Variants in PDZD2 observed in about 807,000 individuals in gnomAD.
The protein encoded by PDZD2 is PDZ domain containing 2, also known as PDZ domain-containing protein 2.
A neutral mutation model predicts 220.7 loss-of-function variants in PDZD2; 90 were observed. The observed-to-expected ratio is 0.41, with a 90% CI of 0.34 to 0.49. PDZD2 has a LOEUF of 0.49. Ranked by LOEUF, PDZD2 falls within the 20% of genes least tolerant of loss-of-function variation. The pLI, the probability that PDZD2 is intolerant of heterozygous loss-of-function variation, is 0.28. For synonymous variants in PDZD2, 1,375 were observed against 1,450.5 expected (o/e 0.95, Z 1.18); for missense variants, 3,174 against 3,608.5 (o/e 0.88, Z 3.08).
intron 24 of PDZD2, among the ~76,000 whole-genome samples, chr5:32,105,739 T>C (rs1337796584): frequency 1.3e-5 from 2 of 152,166 alleles, no homozygotes; most frequent in African/African-American, 4.8e-5. Context: ...GGAAAAAGCA[T>C]AAAAGCTTTC....
chr5:32,003,240 ACACACACAC>A (rs1231765463), intron 5 of PDZD2, among the ~76,000 whole-genome samples: 1 of 104,240 alleles, frequency 9.6e-6, no homozygotes, highest in African/African-American at 4.1e-5. Flanking sequence ...ATATACCTTC[ACACACACAC>A]CACACACACA....
intron 1 of PDZD2, among the ~76,000 whole-genome samples, chr5:31,671,151 C>T (rs1404759743): frequency 6.6e-6 from 1 of 152,106 alleles, no homozygotes; most frequent in Non-Finnish European, 1.5e-5. Flanking sequence ...AACTCTCAGT[C>T]CTGTGGGCCA....
At chr5:32,031,727 C>A (rs1243094636) in intron 6 of PDZD2, among the ~76,000 whole-genome samples, 1 of 152,124 alleles carries the variant, frequency 6.6e-6, no homozygotes, top group Non-Finnish European at 1.5e-5. Context: ...TCTTTAATTT[C>A]GACTAAACCT....
chr5:31,886,863 A>AT (rs1326830026), intron 2 of PDZD2, among the ~76,000 whole-genome samples: 4 of 151,838 alleles, frequency 2.6e-5, no homozygotes, highest in South Asian at 2.1e-4. Flanking sequence ...ACACCCAGCT[A>AT]TTTTTTTGTA....
At chr5:31,863,533 C>T (rs538626596) in intron 2 of PDZD2, among the ~76,000 whole-genome samples, 85 of 152,244 alleles carry the variant, frequency 5.6e-4, no homozygotes, top group African/African-American at 1.9e-3. Flanking sequence ...CTCTGAGATG[C>T]TTGTTTTAAT....
intron 6 of PDZD2, among the ~76,000 whole-genome samples, chr5:32,012,192 A>C (rs1753374884): frequency 6.6e-6 from 1 of 151,758 alleles, no homozygotes; most frequent in Non-Finnish European, 1.5e-5. Flanking sequence ...ACTGAGCAGG[A>C]TCTCATTGCT....
At chr5:32,030,380 T>C (rs1755029847) in intron 6 of PDZD2, among the ~76,000 whole-genome samples, 2 of 152,228 alleles carry the variant, frequency 1.3e-5, no homozygotes, top group Admixed American at 1.3e-4. Context: ...ATTAGTTTTT[T>C]CTCAGGTTTT....
rs552807189 is a variant in PDZD2, at chr5:31,720,009, G to T, written c.-360-78880G>T. ...CCAGTCCAGGCAATGCGCTGCCCCA[G>T]TGGAGATCTTTCACTCATATCAGTG... On this transcript the variant is annotated intron_variant, in intron 1 of 24. Transcript: ENST00000438447. Among the ~76,000 whole-genome samples the T allele has an allele frequency of 5.9e-5, 9 of 152,362 alleles. No homozygotes were observed. In the South Asian group the frequency reaches 1.9e-3, roughly 32 times the overall value.
chr5:31,797,632 C>A (rs1256769229), intron 1 of PDZD2, among the ~76,000 whole-genome samples: 3 of 152,148 alleles, frequency 2.0e-5, no homozygotes, highest in African/African-American at 7.2e-5. Flanking sequence ...CGCGCCCAGC[C>A]TTGCATTTCT....
intron 1 of PDZD2, among the ~76,000 whole-genome samples, chr5:31,654,545 A>G (rs1252897427): frequency 1.3e-5 from 2 of 152,120 alleles, no homozygotes; most frequent in Non-Finnish European, 2.9e-5. Flanking sequence ...TGCATGTATA[A>G]TTATCTACTT....
chr5:31,967,304 C>T (rs1748846004), intron 2 of PDZD2, among the ~76,000 whole-genome samples: 1 of 152,156 alleles, frequency 6.6e-6, no homozygotes, highest in Non-Finnish European at 1.5e-5. Context: ...CATGGACCCA[C>T]GGGAATCTGC....
At chr5:31,958,142 A>T (rs1747893117) in intron 2 of PDZD2, among the ~76,000 whole-genome samples, 1 of 152,250 alleles carries the variant, frequency 6.6e-6, no homozygotes, top group South Asian at 2.1e-4. Context: ...TTTAAGTGAT[A>T]TATATTTACA....
intron 1 of PDZD2, among the ~76,000 whole-genome samples, chr5:31,788,796 G>T (rs1254114641): frequency 6.6e-6 from 1 of 152,174 alleles, no homozygotes; most frequent in Non-Finnish European, 1.5e-5. Flanking sequence ...GAGACACCTG[G>T]GACTGCACAA....
At position 32,108,245 on chromosome 5, in the gene PDZD2, TA is replaced by T; in HGVS notation, c.*115del. Reference sequence around the variant, plus strand: ...CCAACACTGGTACAGACACGGACTATAAAAATCTCCAAGCTTGTGCTTACAC... The same window carrying T: ...CCAACACTGGTACAGACACGGACTATAAAATCTCCAAGCTTGTGCTTACAC... On this transcript the variant is annotated 3_prime_UTR_variant, in exon 25 of 25. Coordinates refer to ENST00000438447, the MANE Select transcript of PDZD2 (RefSeq NM_178140.4). 1.6e-6 allele frequency: 1 copy of T among 644,832 alleles called. No homozygotes were observed. The allele number at this position is 644,832 out of a possible 1,614,324, so 39.9% of individuals were successfully genotyped here.
At chr5:31,921,371 G>A (rs1486953603) in intron 2 of PDZD2, among the ~76,000 whole-genome samples, 1 of 128,318 alleles carries the variant, frequency 7.8e-6, no homozygotes, top group African/African-American at 2.8e-5. Context: ...TCAAATGGTT[G>A]TACAGGTAAA....
chr5:31,698,460 G>C (rs1376653388), intron 1 of PDZD2, among the ~76,000 whole-genome samples: 2 of 150,906 alleles, frequency 1.3e-5, no homozygotes, highest in South Asian at 4.2e-4. Flanking sequence ...TTAGCCAGGC[G>C]TGGTAGCGGG....
In PDZD2 at chr5:31,647,465, C is replaced by T. The variant is rs987401177; in HGVS notation, c.-361+8028C>T. Among the ~76,000 whole-genome samples the T allele has an allele frequency of 3.3e-5, 5 of 152,264 alleles. No homozygotes were observed. In the East Asian group the frequency reaches 7.7e-4, roughly 24 times the overall value. On this transcript the variant is annotated intron_variant, in intron 1 of 24. Coordinates refer to ENST00000438447, the MANE Select transcript of PDZD2 (RefSeq NM_178140.4). ...TCTGAAATCAAGGTGTTGACAGGGCCGTGCTCCTTCTGGAAGCTCTAGGGG... is the reference window on the plus strand; with the variant it reads ...TCTGAAATCAAGGTGTTGACAGGGCTGTGCTCCTTCTGGAAGCTCTAGGGG...
At chr5:32,078,974 G>A (rs749335939) in intron 19 of PDZD2, among the ~76,000 whole-genome samples, 31 of 151,934 alleles carry the variant, frequency 2.0e-4, no homozygotes, top group Admixed American at 5.2e-4. Flanking sequence ...TTTGGATTCT[G>A]GTGGGGCGCG....
At position 31,885,470 on chromosome 5, in the gene PDZD2, C is replaced by T. The variant is rs545323387; in HGVS notation, c.476+85746C>T. Among the ~76,000 whole-genome samples the T allele has an allele frequency of 5.9e-5, 9 of 152,160 alleles. No homozygotes were observed. In the South Asian group the frequency reaches 1.9e-3, roughly 32 times the overall value. On this transcript the variant is annotated intron_variant, in intron 2 of 24. Transcript: ENST00000438447. ...TTCTAAAGAAGTACTTGCATCTGAA[C>T]ACATATTCACTCCAGAAGTGTTTGA...
Sources: gnomAD v4.1 joint callset for allele counts (sites outside exome capture counted in the v4.1 genomes callset) on GRCh38, gnomAD v4.1.1 for gene constraint, MANE v1.5 for transcripts, NCBI Gene and HGNC (gene_info 2026-07-23, HGNC 2026-07-21) for gene names.